THSD7A: variants seen among roughly 807,000 people sequenced by gnomAD.
The protein encoded by THSD7A is thrombospondin type-1 domain-containing protein 7A.
THSD7A carries 96 observed loss-of-function variants against 231.3 expected under a neutral mutation model. The ratio of observed to expected loss-of-function variants is 0.41; its 90% CI spans 0.35 to 0.49. The LOEUF (loss-of-function observed/expected upper bound fraction) is 0.49, where lower values mean the gene tolerates loss of function less well. THSD7A is among the 20% of genes least tolerant of loss of function. The pLI, the probability that THSD7A is intolerant of heterozygous loss-of-function variation, is 0.05. For missense variants in THSD7A, 2,290 were observed against 2,070.2 expected, an observed-to-expected ratio of 1.11 and a Z score of -2.06; for synonymous variants, 940 against 743.3, an observed-to-expected ratio of 1.26 and a Z score of -4.30.
chr7:11,450,631 T>TAA (rs1282334868), intron 11 of THSD7A, among the ~76,000 whole-genome samples: 1 of 152,052 alleles, frequency 6.6e-6, no homozygotes, highest in African/African-American at 2.4e-5. Context: ...TTATGGATCT[T>TAA]AAAAATCATT....
intron 2 of THSD7A, 143 bp downstream of exon 2, chr7:11,635,987 C>T: frequency 1.4e-6 from 1 of 692,892 alleles, no homozygotes; most frequent in Non-Finnish European, 2.3e-6. Context: ...CTCACACAAG[C>T]TCAGAAGCCT....
chr7:11,719,051 C>CGT (rs201019231), intron 1 of THSD7A, among the ~76,000 whole-genome samples: 18 of 150,892 alleles, frequency 1.2e-4, no homozygotes, highest in Non-Finnish European at 2.2e-4. Context: ...TAAGCAATAT[C>CGT]GTGTGTGTGT....
chr7:11,740,071 C>T (rs1248756919), intron 1 of THSD7A, among the ~76,000 whole-genome samples: 5 of 151,938 alleles, frequency 3.3e-5, no homozygotes, highest in Non-Finnish European at 5.9e-5. Flanking sequence ...TTCTAATGAT[C>T]AAAGATTCAA....
intron 1 of THSD7A, among the ~76,000 whole-genome samples, chr7:11,790,475 C>G (rs1293478627): frequency 6.6e-6 from 1 of 151,774 alleles, no homozygotes; most frequent in African/African-American, 2.4e-5. Flanking sequence ...AATGTTTTAG[C>G]ACAACAGGAA....
At chr7:11,786,780 A>G (rs1783808525) in intron 1 of THSD7A, among the ~76,000 whole-genome samples, 1 of 144,674 alleles carries the variant, frequency 6.9e-6, no homozygotes, top group African/African-American at 2.6e-5. Flanking sequence ...AAAAAAAAAA[A>G]GAAAAACCAA....
In THSD7A at chr7:11,655,431, ATCT is replaced by A. The variant is rs546799886; in HGVS notation, c.191-18473_191-18471del. On this transcript the variant is annotated intron_variant, in intron 1 of 27. Coordinates refer to ENST00000423059, the MANE Select transcript of THSD7A (RefSeq NM_015204.3). ...GGTTTCTTTCTCATATGCCTATAAA[ATCT>A]TCTTCTCTAAGAATTCTAATCTAAC... Among the ~76,000 whole-genome samples the A allele has an allele frequency of 1.6e-3, 243 of 151,806 alleles. 1 individual carries two copies. Among genetic ancestry groups the A allele is most frequent in the African/African-American group, 5.5e-3 (229 of 41,470 alleles).
intron 13 of THSD7A, among the ~76,000 whole-genome samples, chr7:11,433,643 G>A (rs11974053): frequency 0.019 from 2,920 of 152,026 alleles, 83 homozygotes; most frequent in African/African-American, 0.064. Flanking sequence ...ACTGCAAAAT[G>A]TCTCTCAAAA....
chr7:11,798,041 G>A (rs2128180376), intron 1 of THSD7A, among the ~76,000 whole-genome samples: 1 of 152,194 alleles, frequency 6.6e-6, no homozygotes, highest in Middle Eastern at 3.4e-3. Flanking sequence ...AGAAAGTCAA[G>A]GCAGGGCAAA....
At chr7:11,687,763 C>T (rs780389714) in intron 1 of THSD7A, among the ~76,000 whole-genome samples, 1 of 151,826 alleles carries the variant, frequency 6.6e-6, no homozygotes, top group Non-Finnish European at 1.5e-5. Context: ...ATGTGCCAGT[C>T]ACTGATTACA....
In THSD7A at chr7:11,557,714, A is replaced by G. The variant is rs183622810; in HGVS notation, c.1454-14597T>C. 9.6e-4 allele frequency among the ~76,000 whole-genome samples: 146 copies of G among 152,264 alleles called. 1 individual carries two copies. Among genetic ancestry groups the G allele is most frequent in the African/African-American group, 3.4e-3 (140 of 41,562 alleles). On this transcript the variant is annotated intron_variant, in intron 4 of 27. Coordinates refer to ENST00000423059, the MANE Select transcript of THSD7A (RefSeq NM_015204.3). The stretch of plus-strand genomic sequence containing the variant: ...TAACCTCCATTGATAACAAAGAGGA[A>G]CTTCTAGTTACTTTTATGTGGCTGT...
At chr7:11,563,799 T>C (rs1260914957) in intron 4 of THSD7A, among the ~76,000 whole-genome samples, 2 of 152,234 alleles carry the variant, frequency 1.3e-5, no homozygotes, top group African/African-American at 4.8e-5. Flanking sequence ...AACTACTCTG[T>C]GCAGTTCATG....
chr7:11,649,603 TGCTTGAAGCAGACTGA>T (rs1312051137), intron 1 of THSD7A, among the ~76,000 whole-genome samples: 2 of 152,042 alleles, frequency 1.3e-5, no homozygotes, highest in Non-Finnish European at 2.9e-5. Flanking sequence ...TTTGAGAGGC[TGCTTGAAGCAGACTGA>T]AGGCCCTAAA....
rs200826121 is a variant in THSD7A at position 11,775,068 on chromosome 7, CA to C, written c.190+56688del. On this transcript the variant is annotated intron_variant, in intron 1 of 27. Coordinates refer to ENST00000423059, the MANE Select transcript of THSD7A (RefSeq NM_015204.3). ...AAAAGCAAACAAAAAACAAAACAAA[CA>C]AAAAACAAAAACCTAAAGAGATAAA... Among the ~76,000 whole-genome samples the C allele has an allele frequency of 6.7e-3, 1,017 of 151,856 alleles. 10 individuals carry two copies. The highest frequency in any genetic ancestry group is 0.021 in the African/African-American group (881 of 41,428).
At chr7:11,616,392 A>G (rs912775155) in intron 2 of THSD7A, among the ~76,000 whole-genome samples, 2 of 152,180 alleles carry the variant, frequency 1.3e-5, no homozygotes, top group Non-Finnish European at 2.9e-5. Context: ...AGTTAAGAGG[A>G]CACAGGTTTG....
At chr7:11,547,909 G>T (rs1463422509) in intron 4 of THSD7A, among the ~76,000 whole-genome samples, 1 of 152,036 alleles carries the variant, frequency 6.6e-6, no homozygotes, top group Non-Finnish European at 1.5e-5. Context: ...CAAAAAATTA[G>T]AAAATTCTCA....
intron 1 of THSD7A, among the ~76,000 whole-genome samples, chr7:11,685,919 C>T (rs905472464): frequency 1.3e-5 from 2 of 151,834 alleles, no homozygotes; most frequent in African/African-American, 2.4e-5. Context: ...TTGTTTATTG[C>T]AAGTTTATCA....
At chr7:11,750,247 T>C (rs1782454188) in intron 1 of THSD7A, among the ~76,000 whole-genome samples, 1 of 151,882 alleles carries the variant, frequency 6.6e-6, no homozygotes, top group Non-Finnish European at 1.5e-5. Flanking sequence ...TTATTATTAA[T>C]ACTATAAAAG....
In THSD7A at chr7:11,406,244, G is replaced by A. The variant is rs773795671; in HGVS notation, c.4237+56C>T. 131 of 1,520,962 alleles carry A rather than the reference G, an allele frequency of 8.6e-5. No individual in the cohort carries two copies. The highest frequency in any genetic ancestry group is 2.7e-4 in the East Asian group (12 of 44,012). 94.2% of individuals were successfully genotyped at this position (1,520,962 alleles called of 1,614,324 possible). A position where few individuals can be genotyped will look rare whatever the true frequency, so the allele number is the denominator to read the frequency against. On this transcript the variant is annotated intron_variant, in intron 22 of 27. Transcript: ENST00000423059. The surrounding 1 kb of genome is among the most constrained non-coding windows in gnomAD (Gnocchi z 4.7). Reference sequence around the variant, plus strand: ...TATACTTTATATGCAACCCCTTCACGGCCCTTGTCCTAGGAAAAAATAATC... The same window carrying A: ...TATACTTTATATGCAACCCCTTCACAGCCCTTGTCCTAGGAAAAAATAATC...
At chr7:11,700,574 G>A (rs187751942) in intron 1 of THSD7A, among the ~76,000 whole-genome samples, 8 of 151,224 alleles carry the variant, frequency 5.3e-5, no homozygotes, top group Admixed American at 1.3e-4. Flanking sequence ...TGAAAATTAT[G>A]GATAAAATTG....
Sources: allele counts gnomAD v4.1 joint callset (sites outside exome capture counted in the v4.1 genomes callset), GRCh38; gene constraint gnomAD v4.1.1; non-coding constraint Gnocchi (gnomAD v3.1); transcripts MANE v1.5; gene names NCBI Gene and HGNC (gene_info 2026-07-23, HGNC 2026-07-21).